Variants in PLSCR4 observed in about 807,000 individuals in gnomAD.
PLSCR4 encodes phospholipid scramblase 4.
PLSCR4 carries 25 observed loss-of-function variants against 36.3 expected under a neutral mutation model. The observed-to-expected ratio is 0.69, with a 90% CI of 0.50 to 0.96. PLSCR4 has a LOEUF of 0.96. Among genes scored for constraint, PLSCR4 ranks in the 40% least tolerant of loss-of-function variants. The probability of loss-of-function intolerance (pLI) is 0.00; values close to 1 mark genes in which losing one functional copy is unlikely to be tolerated. For missense variants in PLSCR4, 408 were observed against 414.7 expected (o/e 0.98, Z 0.14); for synonymous variants, 122 against 132.9 (o/e 0.92, Z 0.56).
In PLSCR4 at chr3:146,196,719, G is replaced by A; in HGVS notation, c.699C>T (p.Tyr233=). 2.5e-6 allele frequency: 4 copies of A among 1,613,880 alleles called. No homozygotes were observed. The highest frequency in any genetic ancestry group is 3.4e-6 in the Non-Finnish European group (4 of 1,179,878). ...AEHWNLCRAV[Y]SIQNEKKENV... ...TTTCTTTCTTCTCATTTTGGATGCTGTACACCGCCCTGCACAGGTTCCAAT... is the reference window on the plus strand; with the variant it reads ...TTTCTTTCTTCTCATTTTGGATGCTATACACCGCCCTGCACAGGTTCCAAT... The change falls in exon 7 of 9, where the codon TAC becomes TAT. Residue 233 remains tyrosine (Y), a synonymous_variant. Transcript: ENST00000354952.
In PLSCR4 at chr3:146,205,983, G is replaced by A. The variant is rs186749462; in HGVS notation, c.354+543C>T. On this transcript the variant is annotated intron_variant, in intron 4 of 8. Coordinates refer to ENST00000354952, the MANE Select transcript of PLSCR4 (RefSeq NM_020353.3). The stretch of plus-strand genomic sequence containing the variant: ...TATCTACATAGATGTTAATTAGGGA[G>A]TTATTGTGTTGTATGAAGGGGGTCT... Among the ~76,000 whole-genome samples the A allele has an allele frequency of 1.0e-3, 153 of 152,174 alleles. 1 individual carries two copies. The Middle Eastern group carries it at 0.014, about 14-fold the overall frequency.
chr3:146,206,423 C>A, intron 4 of PLSCR4, 103 bp downstream of exon 4: 2 of 772,784 alleles, frequency 2.6e-6, no homozygotes, highest in Non-Finnish European at 4.4e-6. Flanking sequence ...TCTGTCATCA[C>A]TGACCCATCT....
chr3:146,202,550 T>G (rs947652750), intron 4 of PLSCR4, among the ~76,000 whole-genome samples: 1 of 152,074 alleles, frequency 6.6e-6, no homozygotes, highest in Non-Finnish European at 1.5e-5. Flanking sequence ...TAATGATTGC[T>G]AAATGGTCAG....
intron 2 of PLSCR4, 107 bp from the exon 3 acceptor site, chr3:146,221,032 T>C (rs2035115127): frequency 1.6e-6 from 1 of 610,846 alleles, no homozygotes; most frequent in Non-Finnish European, 2.9e-6. Flanking sequence ...TATAATCAAC[T>C]GGAAAATACA....
At chr3:146,207,133 C>T (rs770059570) in intron 3 of PLSCR4, among the ~76,000 whole-genome samples, 2 of 152,020 alleles carry the variant, frequency 1.3e-5, no homozygotes, top group Admixed American at 6.6e-5. Flanking sequence ...TAATTACTAA[C>T]GTATAATTAC....
chr3:146,236,871 A>G (rs932055446), intron 1 of PLSCR4, among the ~76,000 whole-genome samples: 16 of 152,200 alleles, frequency 1.1e-4, no homozygotes, highest in African/African-American at 3.6e-4. Flanking sequence ...TAAAGAAGAA[A>G]GGCTAAGAAA....
chr3:146,218,578 G>A lies in PLSCR4; in HGVS notation c.118+2237C>T, dbSNP rs951692943. Reference sequence around the variant, plus strand: ...AAGTATGTATTATCCAGAGATAAAAGAAGGAAAACATATGATGAAATTATA... The same window carrying A: ...AAGTATGTATTATCCAGAGATAAAAAAAGGAAAACATATGATGAAATTATA... On this transcript the variant is annotated intron_variant, in intron 3 of 8. Coordinates refer to ENST00000354952, the MANE Select transcript of PLSCR4 (RefSeq NM_020353.3). Among the ~76,000 whole-genome samples, 76 of 152,084 alleles carry A rather than the reference G, an allele frequency of 5.0e-4. 1 individual carries two copies. The highest frequency in any genetic ancestry group is 1.6e-3 in the African/African-American group (68 of 41,552).
intron 3 of PLSCR4, 28 bp from the exon 4 acceptor site, chr3:146,206,789 T>C (rs1259921225): frequency 2.9e-6 from 4 of 1,362,542 alleles, no homozygotes; most frequent in East Asian, 5.1e-5. Context: ...CAAAGTGTTA[T>C]ATATTATTAA....
Position 146,206,428 on chromosome 3 carries a change from C to A in PLSCR4, c.354+98G>T. ...ACAAATGGCATCTGTCATCACTGAC[C>A]CATCTCCTTTATTCACTCTGGTCTG... On this transcript the variant is annotated intron_variant, in intron 4 of 8. Transcript: ENST00000354952. 3.8e-6 allele frequency: 3 copies of A among 795,324 alleles called. No individual in the cohort carries two copies. In the Admixed American group the frequency reaches 6.0e-5, roughly 16 times the overall value. The allele number at this position is 795,324 out of a possible 1,614,324, so 49.3% of individuals were successfully genotyped here.
chr3:146,247,807 A>C (rs1327164358), intron 1 of PLSCR4, among the ~76,000 whole-genome samples: 1 of 152,064 alleles, frequency 6.6e-6, no homozygotes, highest in Non-Finnish European at 1.5e-5. Context: ...ATTTTTTTAG[A>C]GGTGGGGTAT....
chr3:146,242,721 C>T (rs35887016), intron 1 of PLSCR4, among the ~76,000 whole-genome samples: 2,565 of 152,254 alleles, frequency 0.017, 77 homozygotes, highest in African/African-American at 0.058. Context: ...CTGTGCTTTT[C>T]GAGACGAATG....
intron 1 of PLSCR4, among the ~76,000 whole-genome samples, chr3:146,227,311 G>A (rs1012023884): frequency 6.6e-6 from 1 of 152,104 alleles, no homozygotes. Flanking sequence ...GGGCTGCCTG[G>A]AATGTAATTA....
intron 1 of PLSCR4, among the ~76,000 whole-genome samples, chr3:146,231,332 G>C (rs2035703370): frequency 6.6e-6 from 1 of 152,138 alleles, no homozygotes; most frequent in African/African-American, 2.4e-5. Context: ...AGAAGTGTAT[G>C]TATCTTTTTG....
At chr3:146,238,770 T>C (rs535139198) in intron 1 of PLSCR4, among the ~76,000 whole-genome samples, 1 of 152,174 alleles carries the variant, frequency 6.6e-6, no homozygotes, top group African/African-American at 2.4e-5. Context: ...CTTTTCAACA[T>C]TGTACTGGAT....
At position 146,201,064 on chromosome 3, in the gene PLSCR4, T is replaced by G; in HGVS notation, c.368A>C (p.His123Pro). Reference protein sequence around the residue: ...LEYLVQLDNIHVLQHFEPLEM... With the variant: ...LEYLVQLDNIPVLQHFEPLEM... ...CAGAGGCTCAAAATGCTGAAGAACA[T>G]GTATGTTGTCCAACTGTTGGGATAA... Residue 123 changes from histidine (H) to proline (P), a missense_variant, in exon 5 of 9, where the codon CAT becomes CCT. Coordinates refer to ENST00000354952, the MANE Select transcript of PLSCR4 (RefSeq NM_020353.3). 2 of 1,553,944 alleles carry G rather than the reference T, an allele frequency of 1.3e-6. No homozygotes were observed. The highest frequency in any genetic ancestry group is 2.8e-5 in the African/African-American group (2 of 70,992).
intron 1 of PLSCR4, among the ~76,000 whole-genome samples, chr3:146,245,896 G>C (rs866917503): frequency 6.6e-6 from 1 of 152,014 alleles, no homozygotes; most frequent in Non-Finnish European, 1.5e-5. Flanking sequence ...CCTCTTTATA[G>C]ACTTTAAGCC....
At chr3:146,238,621 C>A (rs954500853) in intron 1 of PLSCR4, among the ~76,000 whole-genome samples, 9 of 151,944 alleles carry the variant, frequency 5.9e-5, no homozygotes, top group Non-Finnish European at 5.9e-5. Context: ...AAATACTCAA[C>A]AATCTAGAAA....
At chr3:146,208,920 C>A (rs1004478284) in intron 3 of PLSCR4, among the ~76,000 whole-genome samples, 2 of 151,962 alleles carry the variant, frequency 1.3e-5, no homozygotes, top group Non-Finnish European at 2.9e-5. Context: ...GGGTATTTAT[C>A]CAGGGGAAAA....
rs182493807 is a variant in PLSCR4 at position 146,193,344 on chromosome 3, T to C, written c.*1067A>G. 1.3e-5 allele frequency: 2 copies of C among 152,316 alleles called. No homozygotes were observed. Among genetic ancestry groups the C allele is most frequent in the Admixed American group, 1.3e-4 (2 of 15,292 alleles). The allele number at this position is 152,316 out of a possible 1,614,324, so 9.4% of individuals were successfully genotyped here. ...CAGCGGTGGAATTTGTCGCTTTCAC[T>C]TTTTATAAAGTGCTACATAAAATGT... is the stretch of plus-strand genomic sequence containing the variant. On this transcript the variant is annotated 3_prime_UTR_variant, in exon 9 of 9. Transcript: ENST00000354952.
Sources: gnomAD v4.1 joint callset for allele counts (sites outside exome capture counted in the v4.1 genomes callset) on GRCh38, gnomAD v4.1.1 for gene constraint, MANE v1.5 for transcripts, NCBI Gene and HGNC (gene_info 2026-07-23, HGNC 2026-07-21) for gene names.